The following CNTN4 variants were observed in gnomAD, a reference collection of about 807,000 sequenced individuals.
The protein encoded by CNTN4 is contactin-4.
CNTN4 carries 77 observed loss-of-function variants against 122.5 expected under a neutral mutation model. The ratio of observed to expected loss-of-function variants is 0.63; its 90% CI spans 0.52 to 0.76. The LOEUF is 0.76. CNTN4 is among the 30% of genes least tolerant of loss of function. The pLI, the probability that CNTN4 is intolerant of heterozygous loss-of-function variation, is 0.00. For synonymous variants in CNTN4, 512 were observed against 447.0 expected, an observed-to-expected ratio of 1.15 and a Z score of -1.83; for missense variants, 1,256 against 1,259.1, an observed-to-expected ratio of 1.00 and a Z score of 0.04.
At chr3:2,971,934 T>C (rs1246021229) in intron 13 of CNTN4, among the ~76,000 whole-genome samples, 1 of 152,202 alleles carries the variant, frequency 6.6e-6, no homozygotes, top group Non-Finnish European at 1.5e-5. Flanking sequence ...GAGATAGGTA[T>C]TAAGAAATAA....
intron 4 of CNTN4, among the ~76,000 whole-genome samples, chr3:2,617,586 A>G (rs1194942587): frequency 2.0e-5 from 3 of 151,916 alleles, no homozygotes; most frequent in African/African-American, 7.3e-5. Context: ...ATGACCAGCT[A>G]ATTTTTTTGT....
At chr3:2,785,138 C>CATATATAT (rs1553639244) in intron 6 of CNTN4, among the ~76,000 whole-genome samples, 1 of 136,182 alleles carries the variant, frequency 7.3e-6, no homozygotes, top group South Asian at 2.5e-4. Context: ...CACACACACA[C>CATATATAT]ATATATATAG....
At chr3:2,806,393 A>G (rs1463584761) in intron 6 of CNTN4, among the ~76,000 whole-genome samples, 1 of 152,188 alleles carries the variant, frequency 6.6e-6, no homozygotes, top group African/African-American at 2.4e-5. Flanking sequence ...ACATGGCACC[A>G]CAAGTAATAT....
intron 6 of CNTN4, among the ~76,000 whole-genome samples, chr3:2,772,568 A>C (rs2091152125): frequency 6.6e-6 from 1 of 152,164 alleles, no homozygotes; most frequent in Non-Finnish European, 1.5e-5. Flanking sequence ...AAGTTGTGTG[A>C]TTTATCACAC....
intron 10 of CNTN4, among the ~76,000 whole-genome samples, chr3:2,894,901 C>G (rs895514527): frequency 1.3e-5 from 2 of 152,126 alleles, no homozygotes; most frequent in African/African-American, 2.4e-5. Flanking sequence ...GACAAAGACC[C>G]TTATTCACCA....
At position 2,682,024 on chromosome 3, in the gene CNTN4, A is replaced by C. The variant is rs56239152; in HGVS notation, c.56-54191A>C. On this transcript the variant is annotated intron_variant, in intron 4 of 24. Transcript: ENST00000418658. The stretch of plus-strand genomic sequence containing the variant: ...TGGGATATTTTTTGGATATTCACTT[A>C]ATGTTTTTGTGTTTGATCTTCCAAT... Among the ~76,000 whole-genome samples, 1,426 of 152,326 alleles carry C rather than the reference A, an allele frequency of 9.4e-3. 12 individuals are homozygous for C. The highest frequency in any genetic ancestry group is 0.015 in the Non-Finnish European group (990 of 68,030).
Position 2,799,630 on chromosome 3 carries a change from T to C in CNTN4, c.359-19856T>C, listed in dbSNP as rs555960242. Reference sequence around the variant, plus strand: ...GGCGCCTGCCACCATGCCCGGCTAATTTTTGTATTTTTCAGTAGAGACGGA... The same window carrying C: ...GGCGCCTGCCACCATGCCCGGCTAACTTTTGTATTTTTCAGTAGAGACGGA... On this transcript the variant is annotated intron_variant, in intron 6 of 24. Transcript: ENST00000418658. 6.2e-4 allele frequency among the ~76,000 whole-genome samples: 95 copies of C among 152,174 alleles called. 1 individual carries two copies. Among genetic ancestry groups the C allele is most frequent in the African/African-American group, 2.1e-3 (88 of 41,518 alleles).
intron 13 of CNTN4, among the ~76,000 whole-genome samples, chr3:2,958,011 G>A (rs2094817430): frequency 6.6e-6 from 1 of 152,094 alleles, no homozygotes; most frequent in African/African-American, 2.4e-5. Flanking sequence ...CTGGCCTTTT[G>A]ATGATATTTT....
At chr3:2,781,935 G>A (rs894472639) in intron 6 of CNTN4, among the ~76,000 whole-genome samples, 4 of 147,216 alleles carry the variant, frequency 2.7e-5, no homozygotes, top group Non-Finnish European at 3.0e-5. Context: ...GTGTTAGCCA[G>A]GATGGTCTCG....
chr3:2,686,203 T>C (rs2085422457), intron 4 of CNTN4, among the ~76,000 whole-genome samples: 1 of 152,168 alleles, frequency 6.6e-6, no homozygotes, highest in Non-Finnish European at 1.5e-5. Context: ...TAGGGGAAGC[T>C]AGCAACATGC....
intron 14 of CNTN4, among the ~76,000 whole-genome samples, chr3:2,995,619 G>A (rs1230763090): frequency 3.9e-5 from 6 of 152,152 alleles, no homozygotes; most frequent in Non-Finnish European, 8.8e-5. Context: ...AAGACACTCT[G>A]TGGGTCAAGA....
intron 10 of CNTN4, among the ~76,000 whole-genome samples, chr3:2,888,862 T>TTCCA (rs1229470835): frequency 6.6e-6 from 1 of 152,056 alleles, no homozygotes; most frequent in Non-Finnish European, 1.5e-5. Context: ...TATTCGGCCA[T>TTCCA]TCCACTCAGC....
At chr3:2,580,718 TAG>T (rs1368218640) in intron 4 of CNTN4, among the ~76,000 whole-genome samples, 3 of 152,212 alleles carry the variant, frequency 2.0e-5, no homozygotes, top group African/African-American at 7.2e-5. Context: ...TGTTAGGAAT[TAG>T]AGACAACTGC....
At chr3:2,306,474 CTA>C (rs1575328793) in intron 2 of CNTN4, among the ~76,000 whole-genome samples, 1 of 151,956 alleles carries the variant, frequency 6.6e-6, no homozygotes, top group Non-Finnish European at 1.5e-5. Context: ...AAATTTTTGT[CTA>C]TTTTTTAACT....
intron 3 of CNTN4, among the ~76,000 whole-genome samples, chr3:2,380,593 G>C (rs2045981344): frequency 6.6e-6 from 1 of 152,126 alleles, no homozygotes; most frequent in African/African-American, 2.4e-5. Flanking sequence ...TTTACACTGA[G>C]TAGATCTAAC....
chr3:2,756,152 G>A (rs2090327647), intron 6 of CNTN4, among the ~76,000 whole-genome samples: 1 of 152,158 alleles, frequency 6.6e-6, no homozygotes, highest in African/African-American at 2.4e-5. Context: ...TTCACTTGTG[G>A]TTAAGTCAGA....
intron 4 of CNTN4, among the ~76,000 whole-genome samples, chr3:2,723,977 C>T (rs7615242): frequency 0.16 from 23,784 of 152,048 alleles, 2,359 homozygotes; most frequent in East Asian, 0.4. Flanking sequence ...ATGAACCAGC[C>T]CCCAATAACC....
chr3:2,913,266 C>A (rs764279638), intron 12 of CNTN4, among the ~76,000 whole-genome samples: 25 of 152,166 alleles, frequency 1.6e-4, no homozygotes, highest in Non-Finnish European at 2.9e-4. Flanking sequence ...CTACAAGATA[C>A]ATAAAACAAA....
chr3:2,546,774 A>G (rs536849992), intron 3 of CNTN4, among the ~76,000 whole-genome samples: 14 of 152,270 alleles, frequency 9.2e-5, no homozygotes, highest in Admixed American at 5.2e-4. Context: ...GCAGAGTAGA[A>G]GAAGAAGAAA....
Sources: gnomAD v4.1 joint callset for allele counts (sites outside exome capture counted in the v4.1 genomes callset) on GRCh38, gnomAD v4.1.1 for gene constraint, MANE v1.5 for transcripts, NCBI Gene and HGNC (gene_info 2026-07-23, HGNC 2026-07-21) for gene names.